The following COLEC12 variants were observed in gnomAD, a reference collection of about 807,000 sequenced individuals.
The protein encoded by COLEC12 is collectin-12.
Under a neutral mutation model 71.1 loss-of-function variants are expected in COLEC12, and 33 were observed. That is an observed-to-expected ratio of 0.46 (90% CI 0.35 to 0.62). The LOEUF (loss-of-function observed/expected upper bound fraction) is 0.62, where lower values mean the gene tolerates loss of function less well. COLEC12 is among the 20% of genes least tolerant of loss of function. The pLI, the probability that COLEC12 is intolerant of heterozygous loss-of-function variation, is 0.00. For synonymous variants in COLEC12, 350 were observed against 353.0 expected (o/e 0.99, Z 0.10); for missense variants, 765 against 916.1 (o/e 0.84, Z 2.13).
intron 2 of COLEC12, among the ~76,000 whole-genome samples, chr18:393,365 A>T (rs1915502965): frequency 6.6e-6 from 1 of 151,536 alleles, no homozygotes; most frequent in Admixed American, 6.6e-5. Context: ...GGCACAGCAA[A>T]TTTCATATTT....
intron 2 of COLEC12, among the ~76,000 whole-genome samples, chr18:392,230 G>A (rs1056887900): frequency 6.6e-6 from 1 of 152,142 alleles, no homozygotes; most frequent in Non-Finnish European, 1.5e-5. Flanking sequence ...CTGTAGCTTG[G>A]TACCTGCTGG....
intron 2 of COLEC12, among the ~76,000 whole-genome samples, chr18:427,383 G>A (rs190573535): frequency 2.6e-4 from 40 of 152,306 alleles, no homozygotes; most frequent in African/African-American, 9.4e-4. Flanking sequence ...GTGGGCCGTA[G>A]GGAGAGAAAT....
chr18:422,455 GAATAA>G (rs1235504550), intron 2 of COLEC12, among the ~76,000 whole-genome samples: 1 of 151,912 alleles, frequency 6.6e-6, no homozygotes, highest in East Asian at 1.9e-4. Context: ...GTTAAACATT[GAATAA>G]AATGTTTATT....
intron 2 of COLEC12, among the ~76,000 whole-genome samples, chr18:388,111 C>T (rs1239113773): frequency 6.6e-6 from 1 of 152,154 alleles, no homozygotes; most frequent in African/African-American, 2.4e-5. Context: ...GGCTAATGAA[C>T]TGTAAAACAG....
Position 335,142 on chromosome 18 carries a change from C to T in COLEC12, c.1416G>A (p.Lys472=), listed in dbSNP as rs1914088397. The T allele has an allele frequency of 6.2e-7, 1 of 1,612,934 alleles. No individual in the cohort carries two copies. The highest frequency in any genetic ancestry group is 1.3e-5 in the African/African-American group (1 of 74,824). ...CAGGGCCAGGTGGTCCAGGCTCCCC[C>T]TTCTCTCCTTTCTGTCCCTTGTTGC... The part of the protein sequence containing the change: ...PTGNKGQKGE[K]GEPGPPGPAG... The change falls in exon 6 of 10, where the codon AAG becomes AAA. Residue 472 remains lysine (K), a synonymous_variant. Coordinates refer to ENST00000400256, the MANE Select transcript of COLEC12 (RefSeq NM_130386.3).
rs1282402864 is a variant in COLEC12 at position 362,800 on chromosome 18, C to T, written c.59-5278G>A. Among the ~76,000 whole-genome samples the T allele has an allele frequency of 2.6e-5, 4 of 152,188 alleles. No homozygotes were observed. Among genetic ancestry groups the T allele is most frequent in the Non-Finnish European group, 4.4e-5 (3 of 68,048 alleles). On this transcript the variant is annotated intron_variant, in intron 2 of 9. Coordinates refer to ENST00000400256, the MANE Select transcript of COLEC12 (RefSeq NM_130386.3). This position sits in a 1 kb window ranked among gnomAD's most constrained non-coding sequence, Gnocchi z 4.6. Reference sequence around the variant, plus strand: ...CTTTCCGCTGCTTTTCCCTCTTGAACTATCTCCCGCTGAACTCCACTCTTG... The same window carrying T: ...CTTTCCGCTGCTTTTCCCTCTTGAATTATCTCCCGCTGAACTCCACTCTTG...
chr18:429,206 T>TG (rs1226872668), intron 2 of COLEC12, among the ~76,000 whole-genome samples: 16 of 152,080 alleles, frequency 1.1e-4, no homozygotes, highest in African/African-American at 1.9e-4. Flanking sequence ...TTTTATGTTT[T>TG]TTTTGTTTTG....
chr18:322,289 C>T (rs1026022842), intron 8 of COLEC12, among the ~76,000 whole-genome samples: 1 of 152,038 alleles, frequency 6.6e-6, no homozygotes, highest in African/African-American at 2.4e-5. Flanking sequence ...GTCCAAGAGC[C>T]AGGAAGAGAA....
rs537959575 is a variant in COLEC12 at position 413,433 on chromosome 18, G to A, written c.59-55911C>T. Among the ~76,000 whole-genome samples the A allele has an allele frequency of 2.6e-5, 4 of 152,352 alleles. No individual in the cohort carries two copies. The South Asian group carries it at 8.3e-4, about 32-fold the overall frequency. On this transcript the variant is annotated intron_variant, in intron 2 of 9. Transcript: ENST00000400256. Reference sequence around the variant, plus strand: ...AATGGTACAGTCACTCTGGAAAATAGTTTGGCAGTTTCTAAAACAATGGAA... The same window carrying A: ...AATGGTACAGTCACTCTGGAAAATAATTTGGCAGTTTCTAAAACAATGGAA...
chr18:359,578 GTCAAC>G (rs1359842512), intron 2 of COLEC12, among the ~76,000 whole-genome samples: 1 of 152,168 alleles, frequency 6.6e-6, no homozygotes, highest in Non-Finnish European at 1.5e-5. Context: ...TGTCTGAGTG[GTCAAC>G]CAGCATCAAT....
At chr18:376,827 G>A (rs1598344041) in intron 2 of COLEC12, among the ~76,000 whole-genome samples, 1 of 152,290 alleles carries the variant, frequency 6.6e-6, no homozygotes, top group East Asian at 1.9e-4. Context: ...TGTCAGGCAC[G>A]GTAACAGGCA....
rs1304952427 is a variant in COLEC12 at position 362,045 on chromosome 18, G to C, written c.59-4523C>G. Among the ~76,000 whole-genome samples the C allele has an allele frequency of 6.6e-6, 1 of 152,154 alleles. No homozygotes were observed. The highest frequency in any genetic ancestry group is 2.4e-5 in the African/African-American group (1 of 41,434). Reference sequence around the variant, plus strand: ...ATGGGAAAAGAGAGGCCCAGAGAGGGGAAGCAGGATCAGAAGCCACAGGTC... The same window carrying C: ...ATGGGAAAAGAGAGGCCCAGAGAGGCGAAGCAGGATCAGAAGCCACAGGTC... On this transcript the variant is annotated intron_variant, in intron 2 of 9. Transcript: ENST00000400256. This position sits in a 1 kb window ranked among gnomAD's most constrained non-coding sequence, Gnocchi z 4.6.
chr18:473,967 G>C (rs929031654), intron 2 of COLEC12, among the ~76,000 whole-genome samples: 1 of 152,196 alleles, frequency 6.6e-6, no homozygotes, highest in African/African-American at 2.4e-5. Flanking sequence ...AGAGAGAGTG[G>C]GGAGGAGGAG....
chr18:431,493 A>G (rs1167062774), intron 2 of COLEC12, among the ~76,000 whole-genome samples: 1 of 152,254 alleles, frequency 6.6e-6, no homozygotes, highest in African/African-American at 2.4e-5. Flanking sequence ...TGAATGAATG[A>G]ATAACCTATA....
chr18:468,059 C>T (rs948677081), intron 2 of COLEC12, among the ~76,000 whole-genome samples: 2 of 152,030 alleles, frequency 1.3e-5, no homozygotes, highest in African/African-American at 4.8e-5. Context: ...GTCAGGAGTT[C>T]GAGACCAGCC....
chr18:341,521 C>T (rs1914251985), intron 5 of COLEC12, among the ~76,000 whole-genome samples: 1 of 152,180 alleles, frequency 6.6e-6, no homozygotes, highest in Admixed American at 6.5e-5. Context: ...ACTAGAAATC[C>T]AGCAGTAAGC....
chr18:428,025 G>A (rs1916230625), intron 2 of COLEC12, among the ~76,000 whole-genome samples: 1 of 152,160 alleles, frequency 6.6e-6, no homozygotes, highest in Non-Finnish European at 1.5e-5. Context: ...AGCACTTCGG[G>A]AGGATGAGGC....
At chr18:391,470 C>T (rs189776853) in intron 2 of COLEC12, among the ~76,000 whole-genome samples, 6 of 152,228 alleles carry the variant, frequency 3.9e-5, no homozygotes, top group South Asian at 2.1e-4. Flanking sequence ...TACTGAGGTC[C>T]GGAATCTCCT....
intron 2 of COLEC12, among the ~76,000 whole-genome samples, chr18:401,700 T>TG (rs1915690574): frequency 1.3e-5 from 2 of 152,226 alleles, no homozygotes; most frequent in African/African-American, 4.8e-5. Context: ...CCCTTGGAGA[T>TG]ACTTTAATAC....
Sources: allele counts gnomAD v4.1 joint callset (sites outside exome capture counted in the v4.1 genomes callset), GRCh38; gene constraint gnomAD v4.1.1; non-coding constraint Gnocchi (gnomAD v3.1); transcripts MANE v1.5; gene names NCBI Gene and HGNC (gene_info 2026-07-23, HGNC 2026-07-21).